Variants in STK3 observed in about 807,000 individuals in gnomAD.
The protein encoded by STK3 is serine/threonine kinase 3, also known as serine/threonine-protein kinase 3.
Under a neutral mutation model 58.0 loss-of-function variants are expected in STK3, and 41 were observed. The observed-to-expected ratio is 0.71, with a 90% confidence interval of 0.55 to 0.92. The LOEUF (loss-of-function observed/expected upper bound fraction) is 0.92, where lower values mean the gene tolerates loss of function less well. STK3 is among the 40% of genes least tolerant of loss of function. The pLI is 0.00. For missense variants in STK3, 479 were observed against 602.7 expected (o/e 0.79, Z 2.15); for synonymous variants, 170 against 191.0 (o/e 0.89, Z 0.91).
At chr8:98,727,813 CAT>C (rs1254349468) in intron 4 of STK3, among the ~76,000 whole-genome samples, 1 of 152,148 alleles carries the variant, frequency 6.6e-6, no homozygotes, top group Non-Finnish European at 1.5e-5. Context: ...TCATTGTATT[CAT>C]TTGCATTTGA....
chr8:98,476,723 T>A (rs528222497), intron 10 of STK3, among the ~76,000 whole-genome samples: 60 of 152,370 alleles, frequency 3.9e-4, no homozygotes, highest in African/African-American at 1.4e-3. Context: ...TATTCATAAT[T>A]AATTTCATTT....
intron 3 of STK3, among the ~76,000 whole-genome samples, chr8:98,833,642 C>G (rs533353173): frequency 6.6e-6 from 1 of 152,150 alleles, no homozygotes; most frequent in African/African-American, 2.4e-5. Context: ...GAGTTGGTAT[C>G]TTATTGCTAT....
At chr8:98,627,307 AG>A (rs1262828573) in intron 6 of STK3, among the ~76,000 whole-genome samples, 3 of 151,876 alleles carry the variant, frequency 2.0e-5, no homozygotes, top group African/African-American at 7.3e-5. Flanking sequence ...TGAGGTCAGG[AG>A]TTCAAGATCA....
At chr8:98,934,260 T>C (rs897167535) in intron 1 of STK3, among the ~76,000 whole-genome samples, 2 of 152,122 alleles carry the variant, frequency 1.3e-5, no homozygotes, top group African/African-American at 4.8e-5. Context: ...AAAAATGAAG[T>C]CCTGCTGCAG....
intron 6 of STK3, among the ~76,000 whole-genome samples, chr8:98,664,465 C>T (rs148106748): frequency 6.6e-6 from 1 of 152,142 alleles, no homozygotes; most frequent in Non-Finnish European, 1.5e-5. Context: ...CTTGAAAATA[C>T]TTCATAAATA....
intron 8 of STK3, among the ~76,000 whole-genome samples, chr8:98,579,349 A>G (rs1038273862): frequency 6.6e-6 from 1 of 152,154 alleles, no homozygotes; most frequent in Non-Finnish European, 1.5e-5. Flanking sequence ...GTTAAAAGAA[A>G]ATTCCAGAAG....
chr8:98,674,767 G>A (rs936458056), intron 6 of STK3, among the ~76,000 whole-genome samples: 4 of 152,050 alleles, frequency 2.6e-5, no homozygotes, highest in Non-Finnish European at 5.9e-5. Flanking sequence ...AGAATAATTC[G>A]TATCTTCCGT....
At chr8:98,491,321 T>C (rs1822683652) in intron 10 of STK3, among the ~76,000 whole-genome samples, 1 of 152,240 alleles carries the variant, frequency 6.6e-6, no homozygotes, top group African/African-American at 2.4e-5. Flanking sequence ...CCAATATCTG[T>C]TCTCTTGTCT....
At chr8:98,618,188 T>A (rs1163338162) in intron 6 of STK3, among the ~76,000 whole-genome samples, 2 of 151,790 alleles carry the variant, frequency 1.3e-5, no homozygotes, top group African/African-American at 4.8e-5. Flanking sequence ...TAATCCAGCA[T>A]ATAAACAGAG....
chr8:98,460,874 AT>A (rs1329677572), intron 10 of STK3, among the ~76,000 whole-genome samples: 2 of 152,176 alleles, frequency 1.3e-5, no homozygotes, highest in East Asian at 3.8e-4. Context: ...AATCAACTCG[AT>A]TTTTAAAAAC....
chr8:98,766,753 G>A (rs1168234019), intron 3 of STK3, among the ~76,000 whole-genome samples: 1 of 152,162 alleles, frequency 6.6e-6, no homozygotes, highest in Admixed American at 6.5e-5. Flanking sequence ...GCAAAGAGCT[G>A]TAAGTCCTAA....
chr8:98,392,814 C>G (rs1369062882), upstream of STK3, among the ~76,000 whole-genome samples: 3 of 152,206 alleles, frequency 2.0e-5, no homozygotes, highest in Non-Finnish European at 4.4e-5. Context: ...CCAAGTACCT[C>G]TTCATGGGTT....
intron 7 of STK3, among the ~76,000 whole-genome samples, chr8:98,581,207 G>T (rs898064752): frequency 6.6e-6 from 1 of 152,164 alleles, no homozygotes; most frequent in African/African-American, 2.4e-5. Flanking sequence ...GTTACTAATG[G>T]ATAAGGGTGA....
intron 8 of STK3, among the ~76,000 whole-genome samples, chr8:98,575,026 G>C (rs1284149128): frequency 1.3e-5 from 2 of 152,034 alleles, no homozygotes; most frequent in Admixed American, 1.3e-4. Flanking sequence ...CGGGGTGGTG[G>C]GGGTGAGGTA....
chr8:98,688,436 A>G (rs1196167453), intron 6 of STK3, among the ~76,000 whole-genome samples: 1 of 152,238 alleles, frequency 6.6e-6, no homozygotes, highest in Admixed American at 6.5e-5. Context: ...ATAGACATCT[A>G]CAGAATACTC....
At chr8:98,590,394 TC>T (rs1815191508) in intron 7 of STK3, among the ~76,000 whole-genome samples, 1 of 152,186 alleles carries the variant, frequency 6.6e-6, no homozygotes, top group African/African-American at 2.4e-5. Context: ...TCGGGCAGTG[TC>T]AGTCTTCAGC....
At chr8:98,816,447 G>A (rs745523496) in intron 1 of STK3, among the ~76,000 whole-genome samples, 1 of 152,110 alleles carries the variant, frequency 6.6e-6, no homozygotes, top group Non-Finnish European at 1.5e-5. Flanking sequence ...GGAGGGTCAG[G>A]CTGTAGTGAG....
At chr8:98,523,764 T>C (rs1825553520) in intron 10 of STK3, among the ~76,000 whole-genome samples, 1 of 152,076 alleles carries the variant, frequency 6.6e-6, no homozygotes, top group Admixed American at 6.6e-5. Context: ...AATATTAACC[T>C]CTTATCAGAT....
intron 3 of STK3, chr8:98,412,923 TA>T: frequency 3.8e-6 from 1 of 265,228 alleles, no homozygotes. Flanking sequence ...CTTTCTTCTA[TA>T]ATTTTTCACT....
Sources: allele counts gnomAD v4.1 joint callset (sites outside exome capture counted in the v4.1 genomes callset), GRCh38; gene constraint gnomAD v4.1.1; transcripts MANE v1.5; gene names NCBI Gene and HGNC (gene_info 2026-07-23, HGNC 2026-07-21).